WWOX: variants seen among roughly 807,000 people sequenced by gnomAD.
WWOX encodes WW domain-containing oxidoreductase.
In WWOX, 69 loss-of-function variants were observed where a neutral mutation model predicts 46.2. That is an observed-to-expected ratio of 1.49 (90% CI 1.23 to 1.82). The LOEUF (loss-of-function observed/expected upper bound fraction) is 1.82, where lower values mean the gene tolerates loss of function less well. Among genes scored for constraint, WWOX ranks in the 40% most tolerant of loss-of-function variants. The pLI is 0.00. For missense variants in WWOX, 919 were observed against 542.6 expected, an observed-to-expected ratio of 1.69 and a Z score of -6.89; for synonymous variants, 359 against 202.6, an observed-to-expected ratio of 1.77 and a Z score of -6.56.
chr16:78,401,415 T>G (rs755936199), intron 6 of WWOX, among the ~76,000 whole-genome samples: 1 of 152,200 alleles, frequency 6.6e-6, no homozygotes, highest in Non-Finnish European at 1.5e-5. Context: ...GAAATAATGT[T>G]TTGGTCTAGA....
At chr16:78,461,747 T>C (rs2083955737) in intron 8 of WWOX, among the ~76,000 whole-genome samples, 1 of 152,228 alleles carries the variant, frequency 6.6e-6, no homozygotes, top group African/African-American at 2.4e-5. Context: ...TTATTTATGA[T>C]CGTCGAGCCC....
intron 4 of WWOX, among the ~76,000 whole-genome samples, chr16:78,140,510 G>C (rs1267476737): frequency 6.6e-6 from 1 of 152,120 alleles, no homozygotes; most frequent in African/African-American, 2.4e-5. Flanking sequence ...AAAATGTGTA[G>C]GGAAGGACCC....
rs140099942 is a variant in WWOX, at chr16:78,560,054, T to G, written c.1056+127302T>G. Among the ~76,000 whole-genome samples the G allele has an allele frequency of 1.1e-3, 165 of 152,340 alleles. 2 individuals are homozygous for G. Among genetic ancestry groups the G allele is most frequent in the African/African-American group, 3.8e-3 (156 of 41,582 alleles). On this transcript the variant is annotated intron_variant, in intron 8 of 8. Coordinates refer to ENST00000566780, the MANE Select transcript of WWOX (RefSeq NM_016373.4). ...GGCTGTTGTCTTTTTTAGTGTACTT[T>G]TGGTTGTTAGGAGAAATTTACAAGG...
intron 8 of WWOX, among the ~76,000 whole-genome samples, chr16:78,980,777 A>T (rs185197349): frequency 4.6e-5 from 7 of 152,274 alleles, no homozygotes; most frequent in Non-Finnish European, 1.0e-4. Flanking sequence ...AGTATTTTGC[A>T]GGGCTTATTT....
intron 8 of WWOX, among the ~76,000 whole-genome samples, chr16:78,488,848 G>T (rs1005692190): frequency 6.6e-6 from 1 of 152,184 alleles, no homozygotes; most frequent in African/African-American, 2.4e-5. Flanking sequence ...CAAATAACAT[G>T]CCCAATGCCT....
intron 5 of WWOX, chr16:78,265,816 A>G (rs566520527): frequency 2.6e-5 from 4 of 152,126 alleles, no homozygotes; most frequent in African/African-American, 9.7e-5. Context: ...AGGACTCAGT[A>G]AGTTATTTGT....
At chr16:78,750,555 C>A (rs764468602) in intron 8 of WWOX, among the ~76,000 whole-genome samples, 1 of 151,806 alleles carries the variant, frequency 6.6e-6, no homozygotes, top group Non-Finnish European at 1.5e-5. Flanking sequence ...TTGCAAGATA[C>A]TGAGATTTGG....
At chr16:78,348,738 G>C (rs141597126) in intron 5 of WWOX, among the ~76,000 whole-genome samples, 1 of 121,580 alleles carries the variant, frequency 8.2e-6, no homozygotes, top group African/African-American at 2.8e-5. Context: ...GATTACAGGT[G>C]TCAGCCACAG....
At chr16:78,453,422 CAAAAAAA>C (rs112120810) in intron 8 of WWOX, among the ~76,000 whole-genome samples, 1 of 107,130 alleles carries the variant, frequency 9.3e-6, no homozygotes, top group African/African-American at 3.3e-5. Flanking sequence ...GACTATGTCT[CAAAAAAA>C]AAAAAAAAAT....
At chr16:78,504,315 G>A (rs2085140223) in intron 8 of WWOX, among the ~76,000 whole-genome samples, 1 of 152,202 alleles carries the variant, frequency 6.6e-6, no homozygotes, top group African/African-American at 2.4e-5. Context: ...AACTAAAGAA[G>A]ATTGTTTTTC....
chr16:79,028,487 G>T (rs183551374), intron 8 of WWOX, among the ~76,000 whole-genome samples: 2 of 151,678 alleles, frequency 1.3e-5, no homozygotes, highest in African/African-American at 4.9e-5. Flanking sequence ...CAAATTGTAG[G>T]CTGCAAATCT....
chr16:78,973,912 T>G (rs1361045319), intron 8 of WWOX, among the ~76,000 whole-genome samples: 1 of 152,296 alleles, frequency 6.6e-6, no homozygotes, highest in South Asian at 2.1e-4. Flanking sequence ...AGAATTTTGG[T>G]TTTTTCTTCG....
At chr16:78,188,968 G>A (rs1035060477) in intron 5 of WWOX, among the ~76,000 whole-genome samples, 3 of 152,190 alleles carry the variant, frequency 2.0e-5, no homozygotes, top group African/African-American at 7.2e-5. Flanking sequence ...AATAGAGGCT[G>A]CAGAGGAGAA....
chr16:78,936,357 C>G (rs1012446363), intron 8 of WWOX, among the ~76,000 whole-genome samples: 1 of 152,098 alleles, frequency 6.6e-6, no homozygotes, highest in Non-Finnish European at 1.5e-5. Flanking sequence ...TGACTCTGAA[C>G]CTTTTGAAGA....
chr16:78,661,264 G>A (rs1366383142), intron 8 of WWOX, among the ~76,000 whole-genome samples: 1 of 152,154 alleles, frequency 6.6e-6, no homozygotes, highest in African/African-American at 2.4e-5. Flanking sequence ...GCAACAGAGA[G>A]GACTGGAATG....
In WWOX at chr16:78,712,119, A is replaced by C. The variant is rs148567119; in HGVS notation, c.1056+279367A>C. 5.9e-5 allele frequency among the ~76,000 whole-genome samples: 9 copies of C among 152,258 alleles called. No homozygotes were observed. In the East Asian group the frequency reaches 1.7e-3, roughly 29 times the overall value. On this transcript the variant is annotated intron_variant, in intron 8 of 8. Transcript: ENST00000566780. Reference sequence around the variant, plus strand: ...TATCCTTTGTGATGTCTTGAGTGAGAAAATGCTCTGACCAATAAGCCAATG... The same window carrying C: ...TATCCTTTGTGATGTCTTGAGTGAGCAAATGCTCTGACCAATAAGCCAATG...
chr16:78,286,045 C>T (rs368472543), intron 5 of WWOX, among the ~76,000 whole-genome samples: 47 of 152,276 alleles, frequency 3.1e-4, no homozygotes, highest in African/African-American at 1.1e-3. Context: ...AAGGCGAGAT[C>T]GACGTGTGTT....
intron 8 of WWOX, among the ~76,000 whole-genome samples, chr16:78,894,659 G>C (rs2044662552): frequency 6.6e-6 from 1 of 152,162 alleles, no homozygotes; most frequent in South Asian, 2.1e-4. Context: ...CAGCCTGCTT[G>C]TGTGTGTCTC....
chr16:78,406,329 T>C (rs1274349366), intron 6 of WWOX, among the ~76,000 whole-genome samples: 3 of 90,210 alleles, frequency 3.3e-5, no homozygotes, highest in East Asian at 2.6e-4. Context: ...TATATATATA[T>C]ATATATATAT....
Sources: allele counts gnomAD v4.1 joint callset (sites outside exome capture counted in the v4.1 genomes callset), GRCh38; gene constraint gnomAD v4.1.1; transcripts MANE v1.5; gene names NCBI Gene and HGNC (gene_info 2026-07-23, HGNC 2026-07-21).